Variants in KIF3B observed in about 807,000 individuals in gnomAD.
KIF3B encodes kinesin family member 3B.
Under a neutral mutation model 74.3 loss-of-function variants are expected in KIF3B, and 38 were observed. The observed-to-expected ratio is 0.51, with a 90% CI of 0.39 to 0.67. The LOEUF is 0.67. KIF3B is among the 30% of genes least tolerant of loss of function. KIF3B has a pLI of 0.00. For synonymous variants in KIF3B, 326 were observed against 342.5 expected (o/e 0.95, Z 0.53); for missense variants, 649 against 932.0 (o/e 0.70, Z 3.95).
At chr20:32,304,795 C>CAGAGAG (rs34339038) in intron 1 of KIF3B, among the ~76,000 whole-genome samples, 9 of 147,136 alleles carry the variant, frequency 6.1e-5, no homozygotes, top group East Asian at 6.1e-4. Flanking sequence ...GAGCAGGTCA[C>CAGAGAG]AGAGAGAGAG....
At chr20:32,302,373 G>T (rs1162030085) in intron 1 of KIF3B, among the ~76,000 whole-genome samples, 2 of 152,230 alleles carry the variant, frequency 1.3e-5, no homozygotes, top group East Asian at 3.9e-4. Flanking sequence ...CTCATGCTTT[G>T]GGAATTCCTT....
In KIF3B at chr20:32,333,658, A is replaced by AAC. The variant is rs2047941924; in HGVS notation, c.*2339_*2340insAC. 1.4e-5 allele frequency: 2 copies of AAC among 146,222 alleles called. No homozygotes were observed. Among genetic ancestry groups the AAC allele is most frequent in the African/African-American group, 5.1e-5 (2 of 39,218 alleles). The allele number at this position is 146,222 out of a possible 1,614,324, so 9.1% of individuals were successfully genotyped here. A position where few individuals can be genotyped will look rare whatever the true frequency, so the allele number is the denominator to read the frequency against. On this transcript the variant is annotated 3_prime_UTR_variant, in exon 9 of 9. Transcript: ENST00000375712. ...AAAAAAAAAAAAAAAAAAAAAAAAA[A>AAC]CAGAAAGAAAGAAAAAGAAAACTGC...
chr20:32,298,167 A>G (rs888555101), intron 1 of KIF3B, among the ~76,000 whole-genome samples: 1 of 151,658 alleles, frequency 6.6e-6, no homozygotes, highest in East Asian at 1.9e-4. Flanking sequence ...GCCTGGTGCA[A>G]TGTCACACCA....
At chr20:32,291,209 T>A (rs558315919) in intron 1 of KIF3B, among the ~76,000 whole-genome samples, 1 of 152,360 alleles carries the variant, frequency 6.6e-6, no homozygotes, top group South Asian at 2.1e-4. Flanking sequence ...TTAACACTAC[T>A]GAACTATACA....
At chr20:32,287,969 G>A (rs1287904995) in intron 1 of KIF3B, among the ~76,000 whole-genome samples, 2 of 125,176 alleles carry the variant, frequency 1.6e-5, no homozygotes, top group African/African-American at 3.0e-5. Flanking sequence ...TGCAACCTCC[G>A]CCTCCTGGGT....
intron 1 of KIF3B, among the ~76,000 whole-genome samples, chr20:32,299,678 C>T (rs2122675303): frequency 6.6e-6 from 1 of 151,662 alleles, no homozygotes; most frequent in East Asian, 1.9e-4. Flanking sequence ...TCCCAAAGTG[C>T]TGGGATTATA....
In KIF3B at chr20:32,300,839, T is replaced by TTTGTTGTTGTTG. The variant is rs145346172; in HGVS notation, c.-65-8853_-65-8842dup. Among the ~76,000 whole-genome samples the TTTGTTGTTGTTG allele has an allele frequency of 2.0e-5, 3 of 150,702 alleles. No individual in the cohort carries two copies. The South Asian group carries it at 6.3e-4, about 32-fold the overall frequency. On this transcript the variant is annotated intron_variant, in intron 1 of 8. Transcript: ENST00000375712. Reference sequence around the variant, plus strand: ...ATAGAGAAGTGGAATTGCTGAGGATTTTGTTGTTGTTGTTGTTGTTGTTGT... The same window carrying TTTGTTGTTGTTG: ...ATAGAGAAGTGGAATTGCTGAGGATTTTGTTGTTGTTGTTGTTGTTGTTGTTGTTGTTGTTGT...
chr20:32,321,838 A>T (rs770063506), intron 5 of KIF3B, among the ~76,000 whole-genome samples: 1 of 152,208 alleles, frequency 6.6e-6, no homozygotes, highest in African/African-American at 2.4e-5. Context: ...CTTAAAGTCT[A>T]TACTTTTTGT....
intron 6 of KIF3B, 107 bp downstream of exon 6, chr20:32,326,991 G>A: frequency 1.6e-6 from 1 of 633,594 alleles, no homozygotes; most frequent in Non-Finnish European, 2.8e-6. Context: ...AACACAGTTT[G>A]GCTTATTTAA....
chr20:32,306,614 G>A (rs112507849), intron 1 of KIF3B, among the ~76,000 whole-genome samples: 3,536 of 116,454 alleles, frequency 0.03, 199 homozygotes, highest in African/African-American at 0.11. Context: ...TTTTTGAGAC[G>A]GAGTCTCGCT....
Position 32,313,028 on chromosome 20 carries a change from C to G in KIF3B, c.1404+1847C>G, listed in dbSNP as rs548777485. Among the ~76,000 whole-genome samples, 11 of 152,248 alleles carry G rather than the reference C, an allele frequency of 7.2e-5. No individual in the cohort carries two copies. The South Asian group carries it at 2.3e-3, about 32-fold the overall frequency. On this transcript the variant is annotated intron_variant, in intron 2 of 8. Coordinates refer to ENST00000375712, the MANE Select transcript of KIF3B (RefSeq NM_004798.4). ...AAGATAAGGAACACTTCCATCACCC[C>G]CAAAATGTCCTCATGCTACTTTCTT...
chr20:32,316,812 C>T lies in KIF3B; in HGVS notation c.1686C>T (p.His562=). 2 of 1,614,150 alleles carry T rather than the reference C, an allele frequency of 1.2e-6. No individual in the cohort carries two copies. Among genetic ancestry groups the T allele is most frequent in the Non-Finnish European group, 1.7e-6 (2 of 1,180,018 alleles). The change falls in exon 5 of 9, where the codon CAC becomes CAT. Residue 562 remains histidine (H), a synonymous_variant. Coordinates refer to ENST00000375712, the MANE Select transcript of KIF3B (RefSeq NM_004798.4). ...AGATCCATGACCTCCAAGAAGAACACATCAAGGAGCGCCAAGAGCTAGAGC... is the reference window on the plus strand; with the variant it reads ...AGATCCATGACCTCCAAGAAGAACATATCAAGGAGCGCCAAGAGCTAGAGC... ...KAEIHDLQEE[H]IKERQELEQT... is the part of the protein sequence containing the mutation.
At chr20:32,317,880 ATCC>A (rs1382195830) in intron 5 of KIF3B, among the ~76,000 whole-genome samples, 1 of 152,158 alleles carries the variant, frequency 6.6e-6, no homozygotes, top group East Asian at 1.9e-4. Flanking sequence ...GGCTCAAGCA[ATCC>A]TCCTGTTTCA....
intron 1 of KIF3B, among the ~76,000 whole-genome samples, chr20:32,291,450 C>G (rs2047690829): frequency 1.3e-5 from 2 of 151,926 alleles, no homozygotes; most frequent in Admixed American, 1.3e-4. Context: ...ATGCACCCCA[C>G]CCCTGAAAAA....
In KIF3B at chr20:32,316,333, CT is replaced by C; in HGVS notation, c.1506+19del. 6.3e-7 allele frequency: 1 copy of C among 1,591,264 alleles called. No individual in the cohort carries two copies. Among genetic ancestry groups the C allele is most frequent in the Non-Finnish European group, 8.6e-7 (1 of 1,159,282 alleles). On this transcript the variant is annotated intron_variant, in intron 3 of 8. Transcript: ENST00000375712. ...ATTGCAGAGCAGGTAACTTTTCATTCTTTTTCAGGGAGAATGGGTGAGGTAA... is the reference window on the plus strand; with the variant it reads ...ATTGCAGAGCAGGTAACTTTTCATTCTTTTCAGGGAGAATGGGTGAGGTAA...
At chr20:32,277,817 CT>C in intron 1 of KIF3B, 52 bp downstream of exon 1, 1 of 186,318 alleles carries the variant, frequency 5.4e-6, no homozygotes, top group Non-Finnish European at 1.1e-5. Context: ...CTGTGGCCGC[CT>C]GGGGTTTTCC....
intron 2 of KIF3B, among the ~76,000 whole-genome samples, chr20:32,314,369 G>A (rs560125722): frequency 2.8e-4 from 43 of 152,208 alleles, no homozygotes; most frequent in African/African-American, 1.0e-3. Context: ...GTGAAACCCT[G>A]TCTCTACTAA....
chr20:32,288,423 C>T (rs1404255773), intron 1 of KIF3B, among the ~76,000 whole-genome samples: 4 of 152,120 alleles, frequency 2.6e-5, no homozygotes, highest in Non-Finnish European at 5.9e-5. Context: ...TTCAAGGCTA[C>T]AGTGAGCCAT....
chr20:32,313,760 T>C (rs985814989), intron 2 of KIF3B, among the ~76,000 whole-genome samples: 1 of 152,170 alleles, frequency 6.6e-6, no homozygotes. Context: ...CAGGTTGGAG[T>C]GCAGTGGCGT....
Sources: allele counts gnomAD v4.1 joint callset (sites outside exome capture counted in the v4.1 genomes callset), GRCh38; gene constraint gnomAD v4.1.1; transcripts MANE v1.5; gene names NCBI Gene and HGNC (gene_info 2026-07-23, HGNC 2026-07-21).